Variants in PURG observed in about 807,000 individuals in gnomAD.
PURG encodes the protein purine-rich element-binding protein gamma.
PURG carries 3 observed loss-of-function variants against 24.3 expected under a neutral mutation model. The ratio of observed to expected loss-of-function variants is 0.12; its 90% CI spans 0.06 to 0.32. The LOEUF (loss-of-function observed/expected upper bound fraction) is 0.32. PURG is among the 10% of genes least tolerant of loss of function. The probability of loss-of-function intolerance (pLI) is 1.00; values close to 1 mark genes in which losing one functional copy is unlikely to be tolerated. For synonymous variants in PURG, 180 were observed against 173.1 expected (o/e 1.04, Z -0.31); for missense variants, 371 against 439.1 (o/e 0.84, Z 1.39).
At position 31,007,156 on chromosome 8, in the gene PURG, T is replaced by C. The variant is rs11779632; in HGVS notation, c.865-10459A>G. ...TTGGGATCAACAAAAAGGACAGTCA[T>C]GTGCTGTTTCATGTAAACATTTCTG... On this transcript the variant is annotated intron_variant, in intron 1 of 1. Coordinates refer to the PURG transcript ENST00000339382. Among the ~76,000 whole-genome samples the C allele has an allele frequency of 4.2e-3, 644 of 152,306 alleles. 2 individuals are homozygous for C. Among genetic ancestry groups the C allele is most frequent in the Non-Finnish European group, 6.1e-3 (417 of 68,010 alleles).
chr8:31,027,999 TTTTAA>T (rs1262977573), downstream of PURG, among the ~76,000 whole-genome samples: 5 of 151,774 alleles, frequency 3.3e-5, no homozygotes, highest in East Asian at 1.9e-4. Flanking sequence ...CTAACCACAC[TTTTAA>T]TTTGAGTATA....
At chr8:31,022,170 C>T (rs1811009558) in intron 1 of PURG, among the ~76,000 whole-genome samples, 1 of 152,076 alleles carries the variant, frequency 6.6e-6, no homozygotes, top group Non-Finnish European at 1.5e-5. Flanking sequence ...GGAGTTTAAC[C>T]ATGTTGGTCA....
In PURG at chr8:31,032,740, G is replaced by C. The variant is rs745356896; in HGVS notation, c.43C>G (p.Arg15Gly). Residue 15 changes from arginine to glycine, a missense_variant, in exon 2 of 2, where the codon CGC (arginine) becomes GGC (glycine). Coordinates refer to ENST00000523392, the MANE Select transcript of PURG (RefSeq NM_001323311.2). The surrounding 1 kb of genome is among the most constrained non-coding windows in gnomAD (Gnocchi z 5.9). ...GAGCCCCCTACATTCTTGCCTCCGC[G>C]GCCGCGGCCGCCGCCGCCTCCCCTT... ...RRRGGGGGRG[R>G]GGKNVGGSGL... 31 of 1,439,694 alleles carry C rather than the reference G, an allele frequency of 2.2e-5. No individual in the cohort carries two copies. Among genetic ancestry groups the C allele is most frequent in the South Asian group, 3.1e-5 (2 of 63,698 alleles). The allele number at this position is 1,439,694 out of a possible 1,614,324, so 89.2% of individuals were successfully genotyped here.
chr8:31,032,798 A>G lies in PURG; in HGVS notation c.-6-10T>C. On this transcript the variant is annotated splice_polypyrimidine_tract_variant and intron_variant, in intron 1 of 1. Transcript: ENST00000523392. This position sits in a 1 kb window ranked among gnomAD's most constrained non-coding sequence, Gnocchi z 5.9. ...CTCTTTCCATCTTCAGCTGCAAGTA[A>G]CAAACAGACACACGGGATGGGGTGG... is the stretch of plus-strand genomic sequence containing the variant. 2 of 1,403,766 alleles carry G rather than the reference A, an allele frequency of 1.4e-6. No homozygotes were observed. The highest frequency in any genetic ancestry group is 1.9e-6 in the Non-Finnish European group (2 of 1,075,394). The allele number at this position is 1,403,766 out of a possible 1,614,324, so 87.0% of individuals were successfully genotyped here.
chr8:31,021,091 G>A (rs977899915), intron 1 of PURG, among the ~76,000 whole-genome samples: 1 of 152,112 alleles, frequency 6.6e-6, no homozygotes, highest in African/African-American at 2.4e-5. Context: ...AGAGAAAGAG[G>A]AGGAAATTTG....
In PURG at chr8:31,014,866, T is replaced by C. The variant is rs530998960; in HGVS notation, c.864+17053A>G. 1.2e-4 allele frequency among the ~76,000 whole-genome samples: 19 copies of C among 152,290 alleles called. No individual in the cohort carries two copies. In the South Asian group the frequency reaches 1.9e-3, roughly 15 times the overall value. ...GCCAGGAAGCATAAAGTGAGATCCA[T>C]AGGTCTCAAGAGGAATAAAGGCTTA... On this transcript the variant is annotated intron_variant, in intron 1 of 1. Coordinates refer to the PURG transcript ENST00000339382.
rs1215231405 is a variant in PURG, at chr8:31,032,198, G to A, written c.585C>T (p.Phe195=). 6.2e-7 allele frequency: 1 copy of A among 1,614,148 alleles called. No homozygotes were observed. Among genetic ancestry groups the A allele is most frequent in the East Asian group, 2.2e-5 (1 of 44,876 alleles). Residue 195 remains phenylalanine (F), a synonymous_variant, in exon 2 of 2, where the codon TTC becomes TTT. Transcript: ENST00000523392. The surrounding 1 kb of genome is among the most constrained non-coding windows in gnomAD (Gnocchi z 5.9). The stretch of plus-strand genomic sequence containing the variant: ...GCATCATGGTTTGTCTAATCCGTAG[G>A]AAGCGACCCCGCTGATTTTCCTTTA... ...LDLKENQRGR[F]LRIRQTMMRG...
chr8:30,996,351 CG>C, exon 2 of PURG: 2 of 297,602 alleles, frequency 6.7e-6, no homozygotes, highest in Non-Finnish European at 1.3e-5. Flanking sequence ...GGTTTGAAAA[CG>C]AAAGGCTTGA....
intron 1 of PURG, among the ~76,000 whole-genome samples, chr8:31,000,975 A>C (rs1432432072): frequency 6.6e-6 from 1 of 152,244 alleles, no homozygotes; most frequent in East Asian, 1.9e-4. Context: ...TGAGTATTAA[A>C]ATATAATCCG....
At chr8:31,026,195 C>T (rs1291879412), downstream of PURG, among the ~76,000 whole-genome samples, 1 of 151,674 alleles carries the variant, frequency 6.6e-6, no homozygotes, top group Non-Finnish European at 1.5e-5. Context: ...ATTGACTGAA[C>T]GTGATACTTT....
At chr8:31,005,176 T>A (rs1028019835) in intron 1 of PURG, among the ~76,000 whole-genome samples, 6 of 152,122 alleles carry the variant, frequency 3.9e-5, no homozygotes, top group African/African-American at 1.4e-4. Context: ...CTTATGCCCA[T>A]AATCCTAGCA....
At chr8:31,004,603 G>C (rs913505089) in intron 1 of PURG, among the ~76,000 whole-genome samples, 1 of 152,108 alleles carries the variant, frequency 6.6e-6, no homozygotes, top group African/African-American at 2.4e-5. Flanking sequence ...GGAGGCAGAG[G>C]TTGCAGTTAC....
chr8:31,004,158 A>G (rs1480882483), intron 1 of PURG, among the ~76,000 whole-genome samples: 1 of 152,218 alleles, frequency 6.6e-6, no homozygotes, highest in East Asian at 1.9e-4. Context: ...AAACAATTTA[A>G]TTAGGACTTT....
At position 31,001,537 on chromosome 8, in the gene PURG, A is replaced by G. The variant is rs376552194; in HGVS notation, c.865-4840T>C. Among the ~76,000 whole-genome samples the G allele has an allele frequency of 3.3e-5, 5 of 152,172 alleles. No homozygotes were observed. The East Asian group carries it at 7.7e-4, about 23-fold the overall frequency. ...CATTGTCCATGTTGTGAGTACCCGT[A>G]CTGTATGCTCTTTGGGGCCAAAGAC... On this transcript the variant is annotated intron_variant, in intron 1 of 1. Coordinates refer to the PURG transcript ENST00000339382.
At chr8:31,004,406 A>G (rs932549143) in intron 1 of PURG, among the ~76,000 whole-genome samples, 2 of 152,200 alleles carry the variant, frequency 1.3e-5, no homozygotes, top group Non-Finnish European at 2.9e-5. Context: ...TACAAGAAAA[A>G]TATCCTTGGC....
At chr8:31,023,667 A>C (rs1406163930) in intron 1 of PURG, among the ~76,000 whole-genome samples, 5 of 152,142 alleles carry the variant, frequency 3.3e-5, no homozygotes, top group African/African-American at 1.2e-4. Context: ...GGCTAAAAAA[A>C]ACCCCCAAAC....
rs1289690585 is a variant in PURG, at chr8:31,032,160, A to G, written c.623T>C (p.Met208Thr). 2.5e-6 allele frequency: 4 copies of G among 1,614,076 alleles called. No individual in the cohort carries two copies. Among genetic ancestry groups the G allele is most frequent in the East Asian group, 2.2e-5 (1 of 44,888 alleles). The change falls in exon 2 of 2, where the codon ATG becomes ACG. Residue 208 changes from methionine to threonine, a missense_variant. Coordinates refer to ENST00000523392, the MANE Select transcript of PURG (RefSeq NM_001323311.2). The surrounding 1 kb of genome is among the most constrained non-coding windows in gnomAD (Gnocchi z 5.9). ...IRQTMMRGTG[M>T]IGYFGHSLGQ... Reference sequence around the variant, plus strand: ...CAAACTGTGGCCAAAATAACCTATCATGCCAGTCCCCCGCATCATGGTTTG... The same window carrying G: ...CAAACTGTGGCCAAAATAACCTATCGTGCCAGTCCCCCGCATCATGGTTTG...
intron 1 of PURG, among the ~76,000 whole-genome samples, chr8:31,010,332 C>A (rs556273070): frequency 6.6e-6 from 1 of 152,092 alleles, no homozygotes; most frequent in Non-Finnish European, 1.5e-5. Context: ...GGCAGGGAGT[C>A]TTAAGCACAG....
At chr8:31,020,619 A>C (rs894124569) in intron 1 of PURG, among the ~76,000 whole-genome samples, 6 of 152,240 alleles carry the variant, frequency 3.9e-5, no homozygotes, top group African/African-American at 1.4e-4. Flanking sequence ...CAGAAAGGTT[A>C]TTCAAAAGGG....
Sources: allele counts gnomAD v4.1 joint callset (sites outside exome capture counted in the v4.1 genomes callset), GRCh38; gene constraint gnomAD v4.1.1; non-coding constraint Gnocchi (gnomAD v3.1); transcripts MANE v1.5; gene names NCBI Gene and HGNC (gene_info 2026-07-23, HGNC 2026-07-21).